Variants in RBFOX1 observed in about 807,000 individuals in gnomAD.
The protein encoded by RBFOX1 is RNA binding protein fox-1 homolog 1.
Under a neutral mutation model 57.7 loss-of-function variants are expected in RBFOX1, and 8 were observed. That is an observed-to-expected ratio of 0.14 (90% CI 0.08 to 0.25). The LOEUF (loss-of-function observed/expected upper bound fraction) is 0.25. Among genes scored for constraint, RBFOX1 ranks in the 10% least tolerant of loss-of-function variants. RBFOX1 has a pLI of 1.00. For missense variants in RBFOX1, 611 were observed against 548.5 expected, an observed-to-expected ratio of 1.11 and a Z score of -1.14; for synonymous variants, 326 against 222.4, an observed-to-expected ratio of 1.47 and a Z score of -4.15.
intron 4 of RBFOX1, among the ~76,000 whole-genome samples, chr16:7,192,419 C>G (rs185800859): frequency 3.2e-4 from 49 of 152,250 alleles, no homozygotes; most frequent in South Asian, 8.3e-4. Context: ...ACTCAAATGC[C>G]TATAGAGGCC....
chr16:5,842,964 A>G (rs7191988), intron 3 of RBFOX1, among the ~76,000 whole-genome samples: 1,569 of 152,124 alleles, frequency 0.01, 22 homozygotes, highest in African/African-American at 0.036. Flanking sequence ...GATTACGGGC[A>G]TGTGCTAGCA....
intron 3 of RBFOX1, among the ~76,000 whole-genome samples, chr16:6,760,436 G>A (rs2076443946): frequency 6.6e-6 from 1 of 152,132 alleles, no homozygotes; most frequent in South Asian, 2.1e-4. Context: ...ATACTTTAAT[G>A]TTTAAGAAAG....
At position 7,091,613 on chromosome 16, in the gene RBFOX1, G is replaced by A. The variant is rs572168300; in HGVS notation, c.27+39515G>A. ...TACCTCCCAGAGTGTGTTACACTTG[G>A]CAGAAACTCCACCACCCAGACAGCT... On this transcript the variant is annotated intron_variant, in intron 4 of 15. Coordinates refer to ENST00000550418, the MANE Select transcript of RBFOX1 (RefSeq NM_018723.4). 2.6e-5 allele frequency among the ~76,000 whole-genome samples: 4 copies of A among 152,006 alleles called. No individual in the cohort carries two copies. In the South Asian group the frequency reaches 8.3e-4, roughly 32 times the overall value.
chr16:6,772,549 G>A (rs539050341), intron 3 of RBFOX1, among the ~76,000 whole-genome samples: 3 of 151,400 alleles, frequency 2.0e-5, no homozygotes, highest in African/African-American at 7.3e-5. Context: ...GTGAGTGTAT[G>A]TGTATGTGTG....
chr16:7,457,507 T>A (rs1339809279), intron 4 of RBFOX1, among the ~76,000 whole-genome samples: 4 of 152,202 alleles, frequency 2.6e-5, no homozygotes, highest in African/African-American at 9.6e-5. Flanking sequence ...CTTCTTTACT[T>A]AAGTGGTGAG....
At chr16:6,771,998 C>T (rs572262765) in intron 3 of RBFOX1, among the ~76,000 whole-genome samples, 5 of 152,172 alleles carry the variant, frequency 3.3e-5, no homozygotes, top group Admixed American at 6.5e-5. Context: ...AGACTCCCTT[C>T]GGCTCTTTCT....
chr16:7,710,185 T>C, intron 15 of RBFOX1: 1 of 1,025,006 alleles, frequency 9.8e-7, no homozygotes, highest in Non-Finnish European at 1.2e-6. Flanking sequence ...CCAAGTTAAG[T>C]AAGAAGTAGG....
At chr16:6,338,957 C>G (rs2084143862) in intron 2 of RBFOX1, among the ~76,000 whole-genome samples, 1 of 152,068 alleles carries the variant, frequency 6.6e-6, no homozygotes, top group African/African-American at 2.4e-5. Context: ...TGGCATAGCT[C>G]TAGGAGACTG....
At chr16:7,601,809 G>A (rs1458520097) in intron 9 of RBFOX1, among the ~76,000 whole-genome samples, 12 of 152,140 alleles carry the variant, frequency 7.9e-5, no homozygotes, top group Admixed American at 2.0e-4. Flanking sequence ...CATTTCTACC[G>A]ATGTTTCAAG....
chr16:6,531,249 G>A (rs1159872003), intron 2 of RBFOX1, among the ~76,000 whole-genome samples: 5 of 152,186 alleles, frequency 3.3e-5, no homozygotes, highest in Admixed American at 1.3e-4. Flanking sequence ...CAAGTTTGCT[G>A]TGTCTGTAGA....
intron 4 of RBFOX1, among the ~76,000 whole-genome samples, chr16:7,218,365 C>T (rs1385901203): frequency 6.6e-6 from 1 of 152,110 alleles, no homozygotes; most frequent in African/African-American, 2.4e-5. Context: ...CTTCAGTATG[C>T]TTCCTATGAG....
chr16:6,700,696 A>G (rs192862650), intron 3 of RBFOX1, among the ~76,000 whole-genome samples: 12 of 152,332 alleles, frequency 7.9e-5, no homozygotes, highest in Admixed American at 2.0e-4. Context: ...AAAAATTACC[A>G]TAAGTAGATT....
intron 1 of RBFOX1, chr16:5,366,597 G>A: frequency 7.7e-6 from 3 of 388,316 alleles, no homozygotes; most frequent in Non-Finnish European, 9.9e-6. Flanking sequence ...TTCCCAGAGA[G>A]GAAGCAAAGT....
chr16:5,339,348 G>T (rs2064977149), intron 1 of RBFOX1, among the ~76,000 whole-genome samples: 1 of 151,936 alleles, frequency 6.6e-6, no homozygotes, highest in South Asian at 2.1e-4. Context: ...AGTTCAGTGG[G>T]TTTCTGTCAC....
intron 5 of RBFOX1, among the ~76,000 whole-genome samples, chr16:7,520,004 G>A (rs1250953879): frequency 6.6e-6 from 1 of 152,050 alleles, no homozygotes; most frequent in Non-Finnish European, 1.5e-5. Flanking sequence ...TCCTGCCTCA[G>A]TCTCCCGAGT....
intron 6 of RBFOX1, among the ~76,000 whole-genome samples, chr16:7,583,747 G>A (rs948979188): frequency 3.9e-5 from 6 of 152,110 alleles, no homozygotes; most frequent in Non-Finnish European, 8.8e-5. Context: ...TTGGGAGGCC[G>A]AGGTGGGAGG....
intron 3 of RBFOX1, among the ~76,000 whole-genome samples, chr16:6,711,274 C>G (rs1288022043): frequency 2.0e-5 from 3 of 152,136 alleles, no homozygotes; most frequent in African/African-American, 7.2e-5. Context: ...TCTCCACACG[C>G]CCCTCCCCCC....
intron 3 of RBFOX1, among the ~76,000 whole-genome samples, chr16:7,004,635 A>G (rs1347664698): frequency 6.6e-6 from 1 of 152,250 alleles, no homozygotes; most frequent in African/African-American, 2.4e-5. Flanking sequence ...GAAAGCCTCA[A>G]CATTGGTATT....
In RBFOX1 at chr16:6,655,373, C is replaced by CAAAAAAA. The variant is rs71406388; in HGVS notation, c.-16+747_-16+753dup. Among the ~76,000 whole-genome samples the CAAAAAAA allele has an allele frequency of 7.0e-3, 235 of 33,716 alleles. 54 individuals are homozygous for CAAAAAAA. The highest frequency in any genetic ancestry group is 7.8e-3 in the African/African-American group (62 of 7,988). The allele number at this position is 33,716 out of a possible 152,430, so 22.1% of individuals were successfully genotyped here. A position where few individuals can be genotyped will look rare whatever the true frequency, so the allele number is the denominator to read the frequency against. On this transcript the variant is annotated intron_variant, in intron 3 of 15. Coordinates refer to ENST00000550418, the MANE Select transcript of RBFOX1 (RefSeq NM_018723.4). The stretch of plus-strand genomic sequence containing the variant: ...TGAGTGACAAAATAAGCCTCCGTTT[C>CAAAAAAA]AAAAAAAAAAAAAAAAAAAAAAAAA...
Sources: gnomAD v4.1 joint callset for allele counts (sites outside exome capture counted in the v4.1 genomes callset) on GRCh38, gnomAD v4.1.1 for gene constraint, MANE v1.5 for transcripts, NCBI Gene and HGNC (gene_info 2026-07-23, HGNC 2026-07-21) for gene names.